The following ZNF804B variants were observed in gnomAD, a reference collection of about 807,000 sequenced individuals.
ZNF804B encodes the protein zinc finger 804B.
In ZNF804B, 80 loss-of-function variants were observed where a neutral mutation model predicts 101.4. The observed-to-expected ratio is 0.79, with a 90% confidence interval of 0.66 to 0.95. The LOEUF is 0.95. Among genes scored for constraint, ZNF804B ranks in the 40% least tolerant of loss-of-function variants. The pLI is 0.00. For missense variants in ZNF804B, 1,673 were observed against 1,561.9 expected (o/e 1.07, Z -1.20); for synonymous variants, 622 against 558.8 (o/e 1.11, Z -1.59).
chr7:89,278,852 A>G (rs909134937), intron 2 of ZNF804B, among the ~76,000 whole-genome samples: 3 of 151,896 alleles, frequency 2.0e-5, no homozygotes, highest in Non-Finnish European at 4.4e-5. Context: ...TTGGTTCCAT[A>G]TGAACTTTAA....
intron 2 of ZNF804B, among the ~76,000 whole-genome samples, chr7:89,228,278 C>T (rs1441374491): frequency 6.6e-6 from 1 of 152,036 alleles, no homozygotes; most frequent in African/African-American, 2.4e-5. Flanking sequence ...AGCGCAAGAA[C>T]AAAGCTTCCA....
At chr7:89,208,381 C>A (rs537606432) in intron 1 of ZNF804B, among the ~76,000 whole-genome samples, 2 of 152,290 alleles carry the variant, frequency 1.3e-5, no homozygotes, top group South Asian at 4.1e-4. Flanking sequence ...CGCGCCTAGC[C>A]CTGTTTTATT....
At chr7:89,298,672 C>A (rs538678787) in intron 2 of ZNF804B, among the ~76,000 whole-genome samples, 2 of 151,630 alleles carry the variant, frequency 1.3e-5, no homozygotes, top group African/African-American at 4.8e-5. Flanking sequence ...TAGACTGTTA[C>A]GAAAAAGCTT....
At chr7:88,887,288 T>TCA (rs1554343942) in intron 1 of ZNF804B, among the ~76,000 whole-genome samples, 1 of 152,230 alleles carries the variant, frequency 6.6e-6, no homozygotes, top group Non-Finnish European at 1.5e-5. Context: ...TGGGGTTGTT[T>TCA]TTCTCTTGTA....
At chr7:89,139,242 G>T (rs372180145) in intron 1 of ZNF804B, among the ~76,000 whole-genome samples, 7 of 152,036 alleles carry the variant, frequency 4.6e-5, no homozygotes, top group African/African-American at 1.7e-4. Context: ...GCTTAAAATT[G>T]CTAATAATTA....
intron 1 of ZNF804B, among the ~76,000 whole-genome samples, chr7:88,881,486 T>A (rs2115908217): frequency 6.6e-6 from 1 of 152,268 alleles, no homozygotes; most frequent in South Asian, 2.1e-4. Context: ...AATAGAACAA[T>A]CAGCACTCTT....
intron 2 of ZNF804B, among the ~76,000 whole-genome samples, chr7:89,278,541 A>G (rs1342073906): frequency 6.6e-6 from 1 of 151,986 alleles, no homozygotes; most frequent in Non-Finnish European, 1.5e-5. Context: ...GGTGTAAGGA[A>G]GGGATCCAGT....
chr7:89,104,900 G>GT (rs1562885936), intron 1 of ZNF804B, among the ~76,000 whole-genome samples: 1 of 152,060 alleles, frequency 6.6e-6, no homozygotes, highest in Non-Finnish European at 1.5e-5. Context: ...GTAGTGAGCT[G>GT]TTTGTCCTGA....
chr7:88,849,149 A>G (rs950654506), intron 1 of ZNF804B, among the ~76,000 whole-genome samples: 3 of 152,028 alleles, frequency 2.0e-5, no homozygotes, highest in Non-Finnish European at 4.4e-5. Context: ...GGGTATGTAC[A>G]CTTAGTCCTT....
rs145578887 is a variant in ZNF804B at position 89,258,214 on chromosome 7, G to T, written c.249+39919G>T. 3.8e-3 allele frequency among the ~76,000 whole-genome samples: 575 copies of T among 152,088 alleles called. 3 individuals are homozygous for T. The highest frequency in any genetic ancestry group is 0.013 in the African/African-American group (552 of 41,506). On this transcript the variant is annotated intron_variant, in intron 2 of 3. Coordinates refer to ENST00000333190, the MANE Select transcript of ZNF804B (RefSeq NM_181646.5). ...TAAAGTATACTAGAGGATGTGTATA[G>T]GCTATCTGAAAATACTACACCAATT...
chr7:89,015,337 AT>A (rs1451730661), intron 1 of ZNF804B, among the ~76,000 whole-genome samples: 2 of 149,000 alleles, frequency 1.3e-5, no homozygotes, highest in East Asian at 3.9e-4. Flanking sequence ...TTTTTATTTT[AT>A]TTAATTATTA....
At chr7:89,020,004 C>T (rs552545674) in intron 1 of ZNF804B, among the ~76,000 whole-genome samples, 20 of 151,962 alleles carry the variant, frequency 1.3e-4, no homozygotes, top group East Asian at 3.9e-4. Flanking sequence ...CTCATCATTT[C>T]GCTTCATATT....
At chr7:88,855,459 T>G (rs1744484390) in intron 1 of ZNF804B, among the ~76,000 whole-genome samples, 1 of 152,038 alleles carries the variant, frequency 6.6e-6, no homozygotes, top group South Asian at 2.1e-4. Context: ...TTGTTTGTTT[T>G]TTTCTTGTAA....
chr7:88,933,902 G>A (rs1293271945), intron 1 of ZNF804B, among the ~76,000 whole-genome samples: 4 of 140,476 alleles, frequency 2.8e-5, no homozygotes, highest in Admixed American at 1.5e-4. Flanking sequence ...CACAGAACTG[G>A]AAAAACAATC....
chr7:88,880,351 G>A (rs1792013343), intron 1 of ZNF804B, among the ~76,000 whole-genome samples: 1 of 152,100 alleles, frequency 6.6e-6, no homozygotes, highest in South Asian at 2.1e-4. Flanking sequence ...CATTGGTTTT[G>A]GCAAAGCAGA....
At chr7:89,156,018 TC>T (rs370432877) in intron 1 of ZNF804B, among the ~76,000 whole-genome samples, 24,008 of 113,378 alleles carry the variant, frequency 0.21, 2,471 homozygotes, top group Middle Eastern at 0.39. Flanking sequence ...TTTCTCTCTT[TC>T]CTTTCTTTCT....
At chr7:89,083,912 A>G (rs1789735155) in intron 1 of ZNF804B, among the ~76,000 whole-genome samples, 1 of 151,960 alleles carries the variant, frequency 6.6e-6, no homozygotes, top group Non-Finnish European at 1.5e-5. Flanking sequence ...GCCTGGAGTC[A>G]ATATAACACT....
intron 1 of ZNF804B, among the ~76,000 whole-genome samples, chr7:88,842,697 T>C (rs1345816171): frequency 6.6e-6 from 1 of 152,198 alleles, no homozygotes; most frequent in Non-Finnish European, 1.5e-5. Flanking sequence ...TTAGAAGAAA[T>C]AGTTCAGATA....
intron 1 of ZNF804B, among the ~76,000 whole-genome samples, chr7:88,992,355 G>A (rs1360013837): frequency 5.3e-5 from 8 of 152,048 alleles, no homozygotes. Flanking sequence ...TTCCATGCAG[G>A]TTTAAATAAG....
Sources: gnomAD v4.1 joint callset for allele counts (sites outside exome capture counted in the v4.1 genomes callset) on GRCh38, gnomAD v4.1.1 for gene constraint, MANE v1.5 for transcripts, NCBI Gene and HGNC (gene_info 2026-07-23, HGNC 2026-07-21) for gene names.